The following PAXIP1 variants were observed in gnomAD, a reference collection of about 807,000 sequenced individuals.
PAXIP1 encodes PAX-interacting protein 1.
In PAXIP1, 19 loss-of-function variants were observed where a neutral mutation model predicts 140.6. That is an observed-to-expected ratio of 0.14 (90% CI 0.09 to 0.20). The LOEUF (loss-of-function observed/expected upper bound fraction) is 0.20, where lower values mean the gene tolerates loss of function less well. Ranked by LOEUF, PAXIP1 falls within the 10% of genes least tolerant of loss-of-function variation. PAXIP1 has a pLI of 1.00. For missense variants in PAXIP1, 920 were observed against 1,208.6 expected (o/e 0.76, Z 3.54); for synonymous variants, 442 against 444.6 (o/e 0.99, Z 0.07).
intron 1 of PAXIP1, chr7:155,002,158 C>T (rs1810935639): frequency 6.6e-6 from 1 of 152,276 alleles, no homozygotes; most frequent in African/African-American, 2.4e-5. Context: ...GGAAAACCCA[C>T]AATATCCTTT....
At chr7:154,989,299 T>C (rs891010575) in intron 4 of PAXIP1, among the ~76,000 whole-genome samples, 4 of 152,276 alleles carry the variant, frequency 2.6e-5, no homozygotes, top group Admixed American at 6.5e-5. Flanking sequence ...AACCTAACAA[T>C]GCTAAACCAA....
At chr7:154,945,708 G>A in intron 20 of PAXIP1, 2 of 985,328 alleles carry the variant, frequency 2.0e-6, no homozygotes, top group Non-Finnish European at 2.4e-6. Context: ...AAACGGAAGT[G>A]GAAACAGAAT....
chr7:154,945,906 G>C (rs1477941135), intron 20 of PAXIP1: 28 of 985,222 alleles, frequency 2.8e-5, no homozygotes, highest in African/African-American at 7.0e-5. Context: ...GCATTTTCCT[G>C]ACATGTTGAT....
rs1808879334 is a variant in PAXIP1, at chr7:154,963,861, T to C, written c.1894-95A>G. The C allele has an allele frequency of 2.3e-5, 18 of 782,306 alleles. No individual in the cohort carries two copies. In the South Asian group the frequency reaches 2.5e-4, roughly 11 times the overall value. 48.5% of individuals were successfully genotyped at this position (782,306 alleles called of 1,614,324 possible). On this transcript the variant is annotated intron_variant, in intron 8 of 20. Transcript: ENST00000404141. The surrounding 1 kb of genome is among the most constrained non-coding windows in gnomAD (Gnocchi z 4.1). Reference sequence around the variant, plus strand: ...AGGCAGCTATTAAAAGACTCTATCATATATTTATATCATGTATTTCCTCAA... The same window carrying C: ...AGGCAGCTATTAAAAGACTCTATCACATATTTATATCATGTATTTCCTCAA...
Position 154,986,726 on chromosome 7 carries a change from CAACTT to C in PAXIP1, c.325-3399_325-3395del, listed in dbSNP as rs777865933. 2.6e-4 allele frequency among the ~76,000 whole-genome samples: 40 copies of C among 152,170 alleles called. No homozygotes were observed. Among genetic ancestry groups the C allele is most frequent in the Non-Finnish European group, 5.1e-4 (35 of 68,030 alleles). On this transcript the variant is annotated intron_variant, in intron 4 of 20. Transcript: ENST00000404141. This position sits in a 1 kb window ranked among gnomAD's most constrained non-coding sequence, Gnocchi z 4.8. ...CCATCCCTATTTGAACAATCTTTCT[CAACTT>C]AAAAGAAATGCTTTTATTTTACCCC... is the stretch of plus-strand genomic sequence containing the variant.
chr7:154,958,965 C>T (rs1159381296), intron 13 of PAXIP1, among the ~76,000 whole-genome samples: 5 of 152,206 alleles, frequency 3.3e-5, no homozygotes, highest in Non-Finnish European at 7.3e-5. Context: ...GAAAACAATA[C>T]ATCTATGATC....
In PAXIP1 at chr7:154,963,912, AT is replaced by A; in HGVS notation, c.1894-147del. 1 of 635,292 alleles carries A rather than the reference AT, an allele frequency of 1.6e-6. No individual in the cohort carries two copies. The highest frequency in any genetic ancestry group is 2.9e-6 in the Non-Finnish European group (1 of 350,202). The allele number at this position is 635,292 out of a possible 1,614,324, so 39.4% of individuals were successfully genotyped here. A position where few individuals can be genotyped will look rare whatever the true frequency, so the allele number is the denominator to read the frequency against. ...AGTATCAAGGACATGTAACAGTTCT[AT>A]TTACGGACTTTTCTACCCAGCACCA... is the stretch of plus-strand genomic sequence containing the variant. On this transcript the variant is annotated intron_variant, in intron 8 of 20. Transcript: ENST00000404141. This position sits in a 1 kb window ranked among gnomAD's most constrained non-coding sequence, Gnocchi z 4.1.
intron 4 of PAXIP1, among the ~76,000 whole-genome samples, chr7:154,987,798 G>A (rs1312786499): frequency 2.6e-5 from 4 of 152,144 alleles, no homozygotes; most frequent in Admixed American, 6.6e-5. Flanking sequence ...TTGCACCACA[G>A]CATCCCATGT....
intron 6 of PAXIP1, among the ~76,000 whole-genome samples, chr7:154,970,743 C>T (rs998300033): frequency 5.3e-5 from 8 of 152,294 alleles, no homozygotes; most frequent in Non-Finnish European, 8.8e-5. Flanking sequence ...GAGCCCTACA[C>T]GGCAAACTGC....
rs900855044 is a variant in PAXIP1, at chr7:154,955,439, A to G, written c.2652+90T>C. ...AAAGACTGTTATAACTATCTAAACT[A>G]TGTAAGTTAATAAAACTGCTGATCT... On this transcript the variant is annotated intron_variant, in intron 15 of 20. Transcript: ENST00000404141. The G allele has an allele frequency of 5.4e-6, 4 of 743,572 alleles. No individual in the cohort carries two copies. In the African/African-American group the frequency reaches 7.0e-5, roughly 13 times the overall value. 46.1% of individuals were successfully genotyped at this position (743,572 alleles called of 1,614,324 possible).
rs940252095 is a variant in PAXIP1 at position 154,973,367 on chromosome 7, T to C, written c.1074+2329A>G. Among the ~76,000 whole-genome samples, 3 of 152,188 alleles carry C rather than the reference T, an allele frequency of 2.0e-5. No homozygotes were observed. Among genetic ancestry groups the C allele is most frequent in the African/African-American group, 7.2e-5 (3 of 41,444 alleles). Reference sequence around the variant, plus strand: ...CAAGGCACTGTCACCACCCAGGACTTGAGGAAGGCCAGCTCGGCATTTTAT... The same window carrying C: ...CAAGGCACTGTCACCACCCAGGACTCGAGGAAGGCCAGCTCGGCATTTTAT... On this transcript the variant is annotated intron_variant, in intron 6 of 20. Transcript: ENST00000404141. The surrounding 1 kb of genome is among the most constrained non-coding windows in gnomAD (Gnocchi z 4.0).
Position 154,967,840 on chromosome 7 carries a change from C to T in PAXIP1, c.1869G>A (p.Lys623=), listed in dbSNP as rs1177325912. Residue 623 remains lysine, a synonymous_variant, in exon 8 of 21, where the codon AAG becomes AAA. Transcript: ENST00000404141. ...IADYPEQMSD[K]QLLATWKRII... ...CCCTTTTCCAGGTGGCCAGCAGTTG[C>T]TTATCAGACATCTGCTCTGGATAAT... 9 of 1,613,188 alleles carry T rather than the reference C, an allele frequency of 5.6e-6. No individual in the cohort carries two copies. The highest frequency in any genetic ancestry group is 1.3e-5 in the African/African-American group (1 of 75,030).
intron 16 of PAXIP1, among the ~76,000 whole-genome samples, chr7:154,953,947 A>G (rs1394816593): frequency 6.6e-6 from 1 of 152,200 alleles, no homozygotes; most frequent in Non-Finnish European, 1.5e-5. Flanking sequence ...ACTTCCCTGC[A>G]CTTTGAAAAA....
chr7:154,958,025 C>T (rs1377346528), intron 13 of PAXIP1, among the ~76,000 whole-genome samples: 1 of 151,622 alleles, frequency 6.6e-6, no homozygotes, highest in Non-Finnish European at 1.5e-5. Context: ...AATTACACCT[C>T]CACCCTAAAA....
At chr7:154,995,237 A>C (rs1401567679) in intron 2 of PAXIP1, among the ~76,000 whole-genome samples, 1 of 152,198 alleles carries the variant, frequency 6.6e-6, no homozygotes, top group Non-Finnish European at 1.5e-5. Context: ...GGGAGGGGCC[A>C]CTGTGACCAC....
At chr7:154,975,478 G>A (rs530109441) in intron 6 of PAXIP1, among the ~76,000 whole-genome samples, 26 of 151,600 alleles carry the variant, frequency 1.7e-4, no homozygotes, top group Admixed American at 3.9e-4. Context: ...CTTAAAATAC[G>A]CTGTTACCCT....
At chr7:154,977,451 G>A (rs1303041546) in intron 5 of PAXIP1, among the ~76,000 whole-genome samples, 1 of 152,220 alleles carries the variant, frequency 6.6e-6, no homozygotes, top group African/African-American at 2.4e-5. Flanking sequence ...ATGCGGGGCA[G>A]CAGCACAGAG....
At chr7:154,960,475 CA>C (rs1190782625) in intron 12 of PAXIP1, among the ~76,000 whole-genome samples, 1 of 152,154 alleles carries the variant, frequency 6.6e-6, no homozygotes, top group Non-Finnish European at 1.5e-5. Context: ...GCAAGACTAT[CA>C]AAAAGCTTTC....
At chr7:154,969,770 G>A (rs1809211438) in intron 6 of PAXIP1, among the ~76,000 whole-genome samples, 1 of 152,200 alleles carries the variant, frequency 6.6e-6, no homozygotes, top group African/African-American at 2.4e-5. Context: ...ATGTGCACTG[G>A]CATGCTATGG....
Sources: gnomAD v4.1 joint callset for allele counts (sites outside exome capture counted in the v4.1 genomes callset) on GRCh38, gnomAD v4.1.1 for gene constraint, Gnocchi (gnomAD v3.1) non-coding constraint, MANE v1.5 for transcripts, NCBI Gene and HGNC (gene_info 2026-07-23, HGNC 2026-07-21) for gene names.